Variants in CDK13 observed in about 807,000 individuals in gnomAD.
The protein encoded by CDK13 is cyclin dependent kinase 13, also known as cyclin-dependent kinase 13.
CDK13 carries 40 observed loss-of-function variants against 137.6 expected under a neutral mutation model. That is an observed-to-expected ratio of 0.29 (90% CI 0.23 to 0.38). The LOEUF (loss-of-function observed/expected upper bound fraction) is 0.38. Among genes scored for constraint, CDK13 ranks in the 10% least tolerant of loss-of-function variants. CDK13 has a pLI of 1.00. For missense variants in CDK13, 1,704 were observed against 1,951.8 expected, an observed-to-expected ratio of 0.87 and a Z score of 2.39; for synonymous variants, 869 against 760.1, an observed-to-expected ratio of 1.14 and a Z score of -2.36.
chr7:40,017,190 T>C (rs572582987), intron 5 of CDK13, among the ~76,000 whole-genome samples: 1 of 152,276 alleles, frequency 6.6e-6, no homozygotes, highest in East Asian at 1.9e-4. Context: ...TTGTATTTTA[T>C]TAGGCTTGCC....
intron 1 of CDK13, among the ~76,000 whole-genome samples, chr7:39,959,271 CCTT>C (rs1003556932): frequency 1.5e-4 from 23 of 151,832 alleles, no homozygotes; most frequent in African/African-American, 4.3e-4. Context: ...AAGCGATTCT[CCTT>C]CTTCAGCCTT....
intron 1 of CDK13, among the ~76,000 whole-genome samples, chr7:39,953,280 C>T (rs1040758855): frequency 3.3e-5 from 5 of 152,198 alleles, no homozygotes; most frequent in African/African-American, 9.7e-5. Context: ...AAAACTCATT[C>T]ATCAAAATTA....
chr7:39,998,516 G>T (rs1265916908), intron 3 of CDK13: 3 of 150,800 alleles, frequency 2.0e-5, no homozygotes, highest in African/African-American at 7.4e-5. Flanking sequence ...CTACTCAGGA[G>T]GCTAAGGCAG....
chr7:40,008,672 T>A (rs945646961), intron 5 of CDK13, among the ~76,000 whole-genome samples: 1 of 152,190 alleles, frequency 6.6e-6, no homozygotes, highest in African/African-American at 2.4e-5. Context: ...AACTGTAAAC[T>A]ATGTATCTTT....
At position 40,043,606 on chromosome 7, in the gene CDK13, C is replaced by T. The variant is rs527440530; in HGVS notation, c.2354-2230C>T. ...GCCAAGGTGGGAGGATCTCTTGAGT[C>T]GGGGAATTCAAGACTAACCTGGGTA... On this transcript the variant is annotated intron_variant, in intron 5 of 13. Transcript: ENST00000181839. Among the ~76,000 whole-genome samples the T allele has an allele frequency of 6.6e-5, 10 of 151,986 alleles. No individual in the cohort carries two copies. The East Asian group carries it at 1.2e-3, about 18-fold the overall frequency.
chr7:39,957,052 A>G (rs1210279918), intron 1 of CDK13, among the ~76,000 whole-genome samples: 2 of 151,672 alleles, frequency 1.3e-5, no homozygotes, highest in East Asian at 1.9e-4. Context: ...CTTCATCTCC[A>G]GCTTTGCATT....
intron 1 of CDK13, among the ~76,000 whole-genome samples, chr7:39,963,798 A>G (rs1308551413): frequency 6.6e-6 from 1 of 152,184 alleles, no homozygotes; most frequent in African/African-American, 2.4e-5. Flanking sequence ...ACGTCCATCA[A>G]TACCTAATTT....
At chr7:39,996,916 A>G (rs994351602) in intron 2 of CDK13, among the ~76,000 whole-genome samples, 31 of 133,682 alleles carry the variant, frequency 2.3e-4, no homozygotes, top group Admixed American at 1.1e-3. Flanking sequence ...GTGAGCCAGG[A>G]TCTTGCCACT....
At chr7:40,029,421 T>TG (rs1395115082) in intron 5 of CDK13, among the ~76,000 whole-genome samples, 3 of 149,848 alleles carry the variant, frequency 2.0e-5, no homozygotes, top group East Asian at 2.0e-4. Context: ...CAAGACTGTG[T>TG]GGAAAAAAAA....
intron 5 of CDK13, among the ~76,000 whole-genome samples, chr7:40,042,479 T>C (rs112432117): frequency 0.066 from 512 of 7,716 alleles, 5 homozygotes; most frequent in African/African-American, 0.18. Context: ...TTTTCTTTCT[T>C]TTTTTTTTTT....
chr7:39,964,527 C>T (rs1783823831), intron 1 of CDK13, among the ~76,000 whole-genome samples: 1 of 150,792 alleles, frequency 6.6e-6, no homozygotes, highest in African/African-American at 2.4e-5. Flanking sequence ...CTTTATTAGT[C>T]TTGCTAGCGG....
At chr7:40,045,019 T>G (rs1785704633) in intron 5 of CDK13, among the ~76,000 whole-genome samples, 1 of 152,208 alleles carries the variant, frequency 6.6e-6, no homozygotes, top group Non-Finnish European at 1.5e-5. Flanking sequence ...CATAATAAAC[T>G]TTTAAGAAAG....
intron 1 of CDK13, among the ~76,000 whole-genome samples, chr7:39,981,599 A>T (rs1282184983): frequency 6.6e-6 from 1 of 152,190 alleles, no homozygotes; most frequent in Non-Finnish European, 1.5e-5. Context: ...TGTTATAAAC[A>T]GTAAATATAT....
intron 1 of CDK13, among the ~76,000 whole-genome samples, chr7:39,983,899 A>G (rs1335537181): frequency 6.6e-6 from 1 of 152,150 alleles, no homozygotes; most frequent in Non-Finnish European, 1.5e-5. Flanking sequence ...TCTCATTTCT[A>G]TGTATAATTA....
In CDK13 at chr7:40,078,134, T is replaced by A; in HGVS notation, c.2897+13T>A. ...AAGAATTTGTTTTGTAAGAAGGGGA[T>A]GTGTAAACATCCTTATTGCATGAAT... On this transcript the variant is annotated intron_variant, in intron 10 of 13. Coordinates refer to ENST00000181839, the MANE Select transcript of CDK13 (RefSeq NM_003718.5). The A allele has an allele frequency of 3.2e-6, 4 of 1,240,624 alleles. No individual in the cohort carries two copies. Among genetic ancestry groups the A allele is most frequent in the Non-Finnish European group, 4.6e-6 (4 of 861,216 alleles). 76.9% of individuals were successfully genotyped at this position (1,240,624 alleles called of 1,614,324 possible).
Position 40,088,230 on chromosome 7 carries a change from A to G in CDK13, c.3134A>G (p.Lys1045Arg). The part of the protein sequence containing the change: ...DDVSTIKAPR[K>R]DLSLGLDDSR... ...GTTTCCACAATTAAAGCCCCCAGGA[A>G]GGACTTGTCTCTGGGCTTGGATGAC... Residue 1045 changes from lysine to arginine, a missense_variant, in exon 12 of 14, where the codon AAG becomes AGG. By Grantham distance (26) the Lys-to-Arg change is conservative (BLOSUM62 2). Transcript: ENST00000181839. 1.9e-6 allele frequency: 3 copies of G among 1,614,154 alleles called. No homozygotes were observed. Among genetic ancestry groups the G allele is most frequent in the Non-Finnish European group, 2.5e-6 (3 of 1,180,028 alleles).
intron 5 of CDK13, among the ~76,000 whole-genome samples, chr7:40,013,419 A>G (rs963392784): frequency 7.9e-5 from 12 of 152,348 alleles, no homozygotes; most frequent in Admixed American, 7.2e-4. Flanking sequence ...GTATTTCGCC[A>G]CAATTTAAAA....
chr7:39,951,580 G>A lies in CDK13; in HGVS notation c.939G>A (p.Arg313=), dbSNP rs776248289. 6.0e-6 allele frequency: 9 copies of A among 1,509,776 alleles called. No individual in the cohort carries two copies. The South Asian group carries it at 1.0e-4, about 17-fold the overall frequency. The allele number at this position is 1,509,776 out of a possible 1,614,324, so 93.5% of individuals were successfully genotyped here. ...DKTEPKAYRR[R]RSLSPLGGRD... Reference sequence around the variant, plus strand: ...CCGAGCCTAAGGCCTACAGGCGGCGGCGGTCCCTCAGCCCACTGGGAGGCC... The same window carrying A: ...CCGAGCCTAAGGCCTACAGGCGGCGACGGTCCCTCAGCCCACTGGGAGGCC... Residue 313 remains arginine, a synonymous_variant, in exon 1 of 14, where the codon CGG becomes CGA. Coordinates refer to ENST00000181839, the MANE Select transcript of CDK13 (RefSeq NM_003718.5).
In CDK13 at chr7:40,001,997, T is replaced by C; in HGVS notation, c.2319T>C (p.Asp773=). The C allele has an allele frequency of 6.2e-7, 1 of 1,609,440 alleles. No homozygotes were observed. The highest frequency in any genetic ancestry group is 1.1e-5 in the South Asian group (1 of 89,980). The change falls in exon 5 of 14, where the codon GAT becomes GAC. Residue 773 remains aspartate (D), a synonymous_variant. Coordinates refer to ENST00000181839, the MANE Select transcript of CDK13 (RefSeq NM_003718.5). ...TCAATATGAAGGAAATAGTGACTGATAAAGAAGATGCTTTGGATTTCAAGA... is the reference window on the plus strand; with the variant it reads ...TCAATATGAAGGAAATAGTGACTGACAAAGAAGATGCTTTGGATTTCAAGA... ...SIINMKEIVT[D]KEDALDFKKD...
Sources: allele counts gnomAD v4.1 joint callset (sites outside exome capture counted in the v4.1 genomes callset), GRCh38; gene constraint gnomAD v4.1.1; transcripts MANE v1.5; gene names NCBI Gene and HGNC (gene_info 2026-07-23, HGNC 2026-07-21).